ZNF705G: variants seen among roughly 807,000 people sequenced by gnomAD.
The protein encoded by ZNF705G is putative zinc finger protein 705G.
ZNF705G carries 23 observed loss-of-function variants against 19.6 expected under a neutral mutation model. That is an observed-to-expected ratio of 1.17 (90% CI 0.84 to 1.66). The LOEUF (loss-of-function observed/expected upper bound fraction) is 1.66, where lower values mean the gene tolerates loss of function less well. Ranked by LOEUF, ZNF705G falls within the 40% of genes most tolerant of loss-of-function variation. The pLI, the probability that ZNF705G is intolerant of heterozygous loss-of-function variation, is 0.00. For missense variants in ZNF705G, 457 were observed against 354.4 expected (o/e 1.29, Z -2.32); for synonymous variants, 146 against 117.7 (o/e 1.24, Z -1.56).
In ZNF705G at chr8:7,357,547, T is replaced by A. The variant is rs372218115; in HGVS notation, c.*429A>T. The A allele has an allele frequency of 2.6e-5, 6 of 232,058 alleles. No homozygotes were observed. Among genetic ancestry groups the A allele is most frequent in the East Asian group, 1.2e-4 (1 of 8,688 alleles). 14.4% of individuals were successfully genotyped at this position (232,058 alleles called of 1,614,324 possible). A position where few individuals can be genotyped will look rare whatever the true frequency, so the allele number is the denominator to read the frequency against. On this transcript the variant is annotated 3_prime_UTR_variant, in exon 7 of 7. Coordinates refer to ENST00000400156, the MANE Select transcript of ZNF705G (RefSeq NM_001164457.3). ...TGAAAGTCCCACATGTTTTAAGTTA[T>A]AGCTGTTGCTGAAGACTTTTAGTTG...
intron 3 of ZNF705G, among the ~76,000 whole-genome samples, chr8:7,361,763 C>G (rs1408112653): frequency 6.7e-6 from 1 of 148,932 alleles, no homozygotes; most frequent in African/African-American, 2.6e-5. Context: ...TCCTATCTAG[C>G]AAATATTTAT....
Position 7,358,255 on chromosome 8 carries a change from G to C in ZNF705G, c.624C>G (p.Ala208=). The C allele has an allele frequency of 1.2e-6, 2 of 1,607,628 alleles. No individual in the cohort carries two copies. The highest frequency in any genetic ancestry group is 2.2e-5 in the South Asian group (2 of 90,716). ...RPYACHLCRK[A]FTQCSHLRRH... ...TTCTAAGGTGAGAACACTGAGTGAAGGCTTTTCTACATAGATGACATGCAT... is the reference window on the plus strand; with the variant it reads ...TTCTAAGGTGAGAACACTGAGTGAACGCTTTTCTACATAGATGACATGCAT... The change falls in exon 7 of 7, where the codon GCC becomes GCG. Residue 208 remains alanine (A), a synonymous_variant. Transcript: ENST00000400156.
chr8:7,381,958 A>C (rs1807517672), intron 1 of ZNF705G, among the ~76,000 whole-genome samples: 1 of 152,202 alleles, frequency 6.6e-6, no homozygotes, highest in African/African-American at 2.4e-5. Flanking sequence ...TTGGGTAACT[A>C]ATACTTAAAT....
rs1228195633 is a variant in ZNF705G, at chr8:7,360,842, T to A, written c.139+268A>T. On this transcript the variant is annotated intron_variant, in intron 4 of 6. Coordinates refer to ENST00000400156, the MANE Select transcript of ZNF705G (RefSeq NM_001164457.3). The stretch of plus-strand genomic sequence containing the variant: ...AAAACATTCATTAAGTTCCCAGGTC[T>A]GTTATGAGTATTAGAGACTGAGTAC... 2.0e-5 allele frequency among the ~76,000 whole-genome samples: 3 copies of A among 149,516 alleles called. 1 individual carries two copies. Among genetic ancestry groups the A allele is most frequent in the African/African-American group, 7.7e-5 (3 of 38,938 alleles).
intron 3 of ZNF705G, among the ~76,000 whole-genome samples, chr8:7,361,966 G>T (rs1379174263): frequency 1.3e-5 from 2 of 149,600 alleles, no homozygotes; most frequent in Non-Finnish European, 2.9e-5. Context: ...AGACAAGACC[G>T]CTGAGGCTGC....
intron 6 of ZNF705G, among the ~76,000 whole-genome samples, chr8:7,359,231 C>A (rs1392732792): frequency 6.7e-6 from 1 of 149,620 alleles, no homozygotes; most frequent in Non-Finnish European, 1.5e-5. Context: ...TTAACTTTGG[C>A]AAATAAATCT....
intron 3 of ZNF705G, 79 bp from the exon 4 acceptor site, chr8:7,361,315 C>T: frequency 1.3e-6 from 2 of 1,590,784 alleles, no homozygotes. Context: ...GATGACATAG[C>T]TAGCAGCTGG....
chr8:7,368,657 C>T (rs1162939497), intron 2 of ZNF705G, among the ~76,000 whole-genome samples: 1 of 149,796 alleles, frequency 6.7e-6, no homozygotes, highest in Admixed American at 6.6e-5. Context: ...GAAGAAAGGG[C>T]CTCAAAGACA....
chr8:7,359,572 A>T (rs770253585), intron 6 of ZNF705G, 47 bp downstream of exon 6: 4 of 1,602,366 alleles, frequency 2.5e-6, no homozygotes, highest in Non-Finnish European at 2.5e-6. Context: ...TAATCCATTA[A>T]CATGTCTTTA....
In ZNF705G at chr8:7,367,262, C is replaced by T. The variant is rs531655682; in HGVS notation, c.-71-4245G>A. On this transcript the variant is annotated intron_variant, in intron 2 of 6. Transcript: ENST00000400156. Reference sequence around the variant, plus strand: ...GGCAGGAGAGGGCTCTTCCCCTACCCACTAGAAATGTCAGGTGATGGCCTG... The same window carrying T: ...GGCAGGAGAGGGCTCTTCCCCTACCTACTAGAAATGTCAGGTGATGGCCTG... Among the ~76,000 whole-genome samples the T allele has an allele frequency of 4.7e-5, 7 of 149,382 alleles. No homozygotes were observed. The East Asian group carries it at 1.2e-3, about 25-fold the overall frequency.
chr8:7,357,956 C>A lies in ZNF705G; in HGVS notation c.*20G>T, dbSNP rs780600263. The A allele has an allele frequency of 1.9e-6, 3 of 1,608,502 alleles. No individual in the cohort carries two copies. The highest frequency in any genetic ancestry group is 2.5e-6 in the Non-Finnish European group (3 of 1,179,570). On this transcript the variant is annotated 3_prime_UTR_variant, in exon 7 of 7. Transcript: ENST00000400156. ...TAAATGGCATTCATATGGCTTTTCT[C>A]CAGTGCGTGTTCTCTCATGTCATCT... is the stretch of plus-strand genomic sequence containing the variant.
rs1342862771 is a variant in ZNF705G, at chr8:7,383,439, C to G, written c.-221-1838G>C. 1.4e-5 allele frequency among the ~76,000 whole-genome samples: 2 copies of G among 146,586 alleles called. 1 individual carries two copies. Among genetic ancestry groups the G allele is most frequent in the African/African-American group, 5.5e-5 (2 of 36,080 alleles). On this transcript the variant is annotated intron_variant, in intron 1 of 6. Transcript: ENST00000400156. ...GCACTGTCTGATTACCTTACTTCCT[C>G]AGCCCCTGAGAAGTACCTAGCAGAG...
In ZNF705G at chr8:7,355,936, G is replaced by A. The variant is rs915678047; in HGVS notation, c.*2040C>T. ...CAGAGTAAAATCAATCACTTGTAGAGATTTTAAAATATAATGATGTGTCAA... is the reference window on the plus strand; with the variant it reads ...CAGAGTAAAATCAATCACTTGTAGAAATTTTAAAATATAATGATGTGTCAA... On this transcript the variant is annotated 3_prime_UTR_variant, in exon 7 of 7. Transcript: ENST00000400156. 3 of 149,640 alleles carry A rather than the reference G, an allele frequency of 2.0e-5. No individual in the cohort carries two copies. The highest frequency in any genetic ancestry group is 7.7e-5 in the African/African-American group (3 of 38,998). 9.3% of individuals were successfully genotyped at this position (149,640 alleles called of 1,614,324 possible).
rs1207205929 is a variant in ZNF705G, at chr8:7,357,732, T to C, written c.*244A>G. On this transcript the variant is annotated 3_prime_UTR_variant, in exon 7 of 7. Transcript: ENST00000400156. ...TATCTTCCATGTTGATTACAGTATTTCTTCAAAATGTGAGTCCTTTGGCAT... is the reference window on the plus strand; with the variant it reads ...TATCTTCCATGTTGATTACAGTATTCCTTCAAAATGTGAGTCCTTTGGCAT... 1 of 705,588 alleles carries C rather than the reference T, an allele frequency of 1.4e-6. No homozygotes were observed. The highest frequency in any genetic ancestry group is 2.0e-5 in the African/African-American group (1 of 50,400). 43.7% of individuals were successfully genotyped at this position (705,588 alleles called of 1,614,324 possible).
At chr8:7,368,073 C>G (rs1346262302) in intron 2 of ZNF705G, among the ~76,000 whole-genome samples, 1 of 149,542 alleles carries the variant, frequency 6.7e-6, no homozygotes, top group Non-Finnish European at 1.5e-5. Context: ...AATGCATCCT[C>G]TGATTGGCTT....
chr8:7,383,125 A>ATTTTTTTT lies in ZNF705G; in HGVS notation c.-221-1532_-221-1525dup, dbSNP rs5889203. Among the ~76,000 whole-genome samples the ATTTTTTTT allele has an allele frequency of 5.2e-4, 65 of 125,780 alleles. 1 individual carries two copies. The highest frequency in any genetic ancestry group is 4.9e-4 in the Non-Finnish European group (30 of 61,492). The allele number at this position is 125,780 out of a possible 152,430, so 82.5% of individuals were successfully genotyped here. A position where few individuals can be genotyped will look rare whatever the true frequency, so the allele number is the denominator to read the frequency against. ...TTTCCTTGGTTGAGTTCAATGTTTG[A>ATTTTTTTT]TTTTTTTTTTTTTTTTTTTTTGCTA... On this transcript the variant is annotated intron_variant, in intron 1 of 6. Coordinates refer to ENST00000400156, the MANE Select transcript of ZNF705G (RefSeq NM_001164457.3).
Position 7,379,433 on chromosome 8 carries a change from C to T in ZNF705G, c.-72+2019G>A, listed in dbSNP as rs1459020118. ...CACATAGAATATTATCCTCTCATTG[C>T]TAGGAGGCGGTCTTCAAGATGGCTG... is the stretch of plus-strand genomic sequence containing the variant. On this transcript the variant is annotated intron_variant, in intron 2 of 6. Transcript: ENST00000400156. Among the ~76,000 whole-genome samples, 51 of 147,228 alleles carry T rather than the reference C, an allele frequency of 3.5e-4. 6 individuals are homozygous for T. The highest frequency in any genetic ancestry group is 3.2e-3 in the Middle Eastern group (1 of 314).
rs549750670 is a variant in ZNF705G at position 7,364,595 on chromosome 8, T to C, written c.-71-1578A>G. ...TGCCTCTTCTTGCTTTTTGACAAAA[T>C]TACTCCCCTAACCAACGTTCTCTAT... On this transcript the variant is annotated intron_variant, in intron 2 of 6. Transcript: ENST00000400156. Among the ~76,000 whole-genome samples, 12 of 149,698 alleles carry C rather than the reference T, an allele frequency of 8.0e-5. No homozygotes were observed. In the South Asian group the frequency reaches 2.5e-3, roughly 31 times the overall value.
In ZNF705G at chr8:7,380,686, G is replaced by T. The variant is rs1316072876; in HGVS notation, c.-72+766C>A. On this transcript the variant is annotated intron_variant, in intron 2 of 6. Transcript: ENST00000400156. ...GCTGATGCTACACATGCCTCCCAGG[G>T]TCTTGAGGGCATGCCTATCTACCGA... 4.0e-4 allele frequency among the ~76,000 whole-genome samples: 59 copies of T among 146,096 alleles called. 1 individual carries two copies. The highest frequency in any genetic ancestry group is 1.6e-3 in the African/African-American group (57 of 35,888).
Sources: gnomAD v4.1 joint callset for allele counts (sites outside exome capture counted in the v4.1 genomes callset) on GRCh38, gnomAD v4.1.1 for gene constraint, MANE v1.5 for transcripts, NCBI Gene and HGNC (gene_info 2026-07-23, HGNC 2026-07-21) for gene names.